Variants in LIMD1 observed in about 807,000 individuals in gnomAD.
LIMD1 encodes the protein LIM domain containing 1.
In LIMD1, 23 loss-of-function variants were observed where a neutral mutation model predicts 58.4. The ratio of observed to expected loss-of-function variants is 0.39; its 90% CI spans 0.28 to 0.56. The LOEUF is 0.56. Among genes scored for constraint, LIMD1 ranks in the 20% least tolerant of loss-of-function variants. The pLI is 0.57. For synonymous variants in LIMD1, 334 were observed against 345.5 expected (o/e 0.97, Z 0.37); for missense variants, 838 against 855.5 (o/e 0.98, Z 0.25).
At chr3:45,613,326 A>C (rs1701544615) in intron 1 of LIMD1, among the ~76,000 whole-genome samples, 2 of 152,250 alleles carry the variant, frequency 1.3e-5, no homozygotes, top group Non-Finnish European at 2.9e-5. Flanking sequence ...GTTTTCAGAA[A>C]CCTAACCCTG....
chr3:45,635,798 C>A, intron 1 of LIMD1: 1 of 532,166 alleles, frequency 1.9e-6, no homozygotes, highest in Non-Finnish European at 2.4e-6. Context: ...GCATGCTTGG[C>A]ATATTATAGT....
chr3:45,662,911 G>A (rs1224823767), intron 2 of LIMD1, among the ~76,000 whole-genome samples: 1 of 151,796 alleles, frequency 6.6e-6, no homozygotes, highest in Admixed American at 6.6e-5. Context: ...TTGAACCTGG[G>A]AGGCAGAGGC....
chr3:45,657,524 CAAA>C (rs71617901), intron 2 of LIMD1, among the ~76,000 whole-genome samples: 181 of 99,592 alleles, frequency 1.8e-3, no homozygotes, highest in Non-Finnish European at 2.6e-3. Context: ...GACGCTGTCT[CAAA>C]AAAAAAAAAA....
intron 1 of LIMD1, among the ~76,000 whole-genome samples, chr3:45,627,429 ATTG>A (rs1403126234): frequency 6.6e-6 from 1 of 152,150 alleles, no homozygotes; most frequent in East Asian, 1.9e-4. Context: ...GTTTTATAGA[ATTG>A]TTGTTAAATG....
chr3:45,609,079 A>C (rs540872560), intron 1 of LIMD1, among the ~76,000 whole-genome samples: 1 of 152,330 alleles, frequency 6.6e-6, no homozygotes, highest in South Asian at 2.1e-4. Context: ...AGTGGATGCT[A>C]CATAGGTATT....
intron 2 of LIMD1, among the ~76,000 whole-genome samples, chr3:45,643,146 AAC>A (rs1383138046): frequency 6.6e-6 from 1 of 152,076 alleles, no homozygotes; most frequent in Non-Finnish European, 1.5e-5. Flanking sequence ...GAGGAGGAAA[AAC>A]ACGCTGACTT....
At chr3:45,597,546 T>A (rs936380708) in intron 1 of LIMD1, among the ~76,000 whole-genome samples, 9 of 152,260 alleles carry the variant, frequency 5.9e-5, no homozygotes, top group African/African-American at 1.9e-4. Context: ...TGTATCTTTC[T>A]GTTGAGTAAT....
chr3:45,636,332 T>C, intron 2 of LIMD1, 81 bp downstream of exon 2: 1 of 1,015,010 alleles, frequency 9.9e-7, no homozygotes, highest in Non-Finnish European at 1.5e-6. Flanking sequence ...AGAGATCATC[T>C]TTCTGGAGAC....
At chr3:45,648,306 C>T (rs888991780) in intron 2 of LIMD1, among the ~76,000 whole-genome samples, 1 of 152,198 alleles carries the variant, frequency 6.6e-6, no homozygotes, top group South Asian at 2.1e-4. Flanking sequence ...ATAGATTTGC[C>T]TATTCTGGAT....
At chr3:45,639,976 T>C (rs1701826004) in intron 2 of LIMD1, among the ~76,000 whole-genome samples, 1 of 152,258 alleles carries the variant, frequency 6.6e-6, no homozygotes, top group African/African-American at 2.4e-5. Flanking sequence ...GGTTAGGATT[T>C]TAACATAGGA....
rs116414729 is a variant in LIMD1, at chr3:45,675,744, T to C, written c.1894-1178T>C. Among the ~76,000 whole-genome samples the C allele has an allele frequency of 3.3e-3, 502 of 151,790 alleles. 2 individuals are homozygous for C. Among genetic ancestry groups the C allele is most frequent in the African/African-American group, 0.011 (454 of 41,422 alleles). On this transcript the variant is annotated intron_variant, in intron 7 of 7. Transcript: ENST00000273317. The stretch of plus-strand genomic sequence containing the variant: ...AAATATCCAGCCAGGCATGGGCCCA[T>C]GCCTGTAATCTTAGCACTTTGGAAG...
intron 1 of LIMD1, among the ~76,000 whole-genome samples, chr3:45,629,471 G>A (rs1031757696): frequency 1.3e-4 from 20 of 151,668 alleles, no homozygotes; most frequent in African/African-American, 4.6e-4. Context: ...TACAGAAGCA[G>A]GGAAGAGAAG....
chr3:45,605,836 C>T (rs1701463190), intron 1 of LIMD1, among the ~76,000 whole-genome samples: 1 of 152,156 alleles, frequency 6.6e-6, no homozygotes, highest in Non-Finnish European at 1.5e-5. Flanking sequence ...CAGTCCTCTC[C>T]GTGGGCTCCT....
rs1464860295 is a variant in LIMD1, at chr3:45,683,461, C to T, written c.*6402C>T. 6.6e-6 allele frequency: 1 copy of T among 152,208 alleles called. No individual in the cohort carries two copies. Among genetic ancestry groups the T allele is most frequent in the East Asian group, 1.9e-4 (1 of 5,170 alleles). 9.4% of individuals were successfully genotyped at this position (152,208 alleles called of 1,614,324 possible). ...AAAGTATCGCTAATTGATCCCCTCCCACAACCAATCAGACTGGTCTTAGGC... is the reference window on the plus strand; with the variant it reads ...AAAGTATCGCTAATTGATCCCCTCCTACAACCAATCAGACTGGTCTTAGGC... On this transcript the variant is annotated 3_prime_UTR_variant, in exon 8 of 8. Transcript: ENST00000273317.
At chr3:45,660,192 T>G (rs937655122) in intron 2 of LIMD1, among the ~76,000 whole-genome samples, 1 of 152,164 alleles carries the variant, frequency 6.6e-6, no homozygotes, top group East Asian at 1.9e-4. Context: ...CTGCGCCGTT[T>G]CCTGGTGGCC....
At chr3:45,623,750 A>T (rs1252872739) in intron 1 of LIMD1, among the ~76,000 whole-genome samples, 1 of 152,150 alleles carries the variant, frequency 6.6e-6, no homozygotes, top group Non-Finnish European at 1.5e-5. Context: ...CCAGGATGCC[A>T]GGTAGGATGC....
intron 1 of LIMD1, among the ~76,000 whole-genome samples, chr3:45,611,174 A>G (rs1402764625): frequency 1.3e-5 from 2 of 152,230 alleles, no homozygotes; most frequent in Non-Finnish European, 2.9e-5. Flanking sequence ...GCCAAGCCCA[A>G]TCGATTTGTT....
At chr3:45,662,299 G>A (rs1247568393) in intron 2 of LIMD1, among the ~76,000 whole-genome samples, 1 of 152,086 alleles carries the variant, frequency 6.6e-6, no homozygotes, top group East Asian at 1.9e-4. Context: ...GTGTGTGTGT[G>A]TGCGCGTGTA....
chr3:45,624,861 A>G (rs1322313700), intron 1 of LIMD1, among the ~76,000 whole-genome samples: 5 of 151,070 alleles, frequency 3.3e-5, no homozygotes, highest in African/African-American at 9.7e-5. Flanking sequence ...CTGTCTTGCT[A>G]AGGGTGCTCT....
Sources: allele counts gnomAD v4.1 joint callset (sites outside exome capture counted in the v4.1 genomes callset), GRCh38; gene constraint gnomAD v4.1.1; transcripts MANE v1.5; gene names NCBI Gene and HGNC (gene_info 2026-07-23, HGNC 2026-07-21).